Variants in KALRN observed in about 807,000 individuals in gnomAD.
KALRN encodes kalirin.
A neutral mutation model predicts 353.7 loss-of-function variants in KALRN; 70 were observed. The observed-to-expected ratio is 0.20, with a 90% CI of 0.16 to 0.24. The LOEUF is 0.24. KALRN is among the 10% of genes least tolerant of loss of function. KALRN has a pLI of 1.00. For synonymous variants in KALRN, 1,391 were observed against 1,434.8 expected (o/e 0.97, Z 0.69); for missense variants, 2,791 against 3,756.7 (o/e 0.74, Z 6.72).
chr3:124,184,388 T>A (rs2073965874), intron 1 of KALRN, among the ~76,000 whole-genome samples: 1 of 152,224 alleles, frequency 6.6e-6, no homozygotes, highest in Admixed American at 6.5e-5. Flanking sequence ...AATGCAAATC[T>A]TATGTCATTC....
intron 10 of KALRN, among the ~76,000 whole-genome samples, chr3:124,378,679 G>A (rs1324163702): frequency 1.9e-4 from 1 of 5,290 alleles, no homozygotes; most frequent in Non-Finnish European, 1.2e-3. Flanking sequence ...GAATTCCCAG[G>A]TTTTGTTTTT....
chr3:124,587,428 A>G (rs1340443621), intron 34 of KALRN, among the ~76,000 whole-genome samples: 1 of 152,192 alleles, frequency 6.6e-6, no homozygotes, highest in Non-Finnish European at 1.5e-5. Context: ...GAGGAAAAGG[A>G]CAAAAGTAAA....
intron 6 of KALRN, among the ~76,000 whole-genome samples, chr3:124,320,577 C>T (rs2079223879): frequency 6.6e-6 from 1 of 152,162 alleles, no homozygotes; most frequent in Non-Finnish European, 1.5e-5. Context: ...GATCTGTTTC[C>T]TTGTATGAGG....
chr3:124,594,445 C>G (rs544737529), intron 34 of KALRN, among the ~76,000 whole-genome samples: 1 of 152,126 alleles, frequency 6.6e-6, no homozygotes, highest in African/African-American at 2.4e-5. Flanking sequence ...AGGATGGTCT[C>G]GATCTCTTGA....
rs111543171 is a variant in KALRN at position 124,422,796 on chromosome 3, AT to A, written c.2543-9del. On this transcript the variant is annotated splice_polypyrimidine_tract_variant and intron_variant, in intron 14 of 59. Transcript: ENST00000682506. ...TACTAGCTGGTTTTTAATTGTTTCC[AT>A]TTTTTTAAAATCAGGAATTGAGTTG... 1.2e-6 allele frequency: 2 copies of A among 1,610,872 alleles called. No homozygotes were observed.
rs144693640 is a variant in KALRN at position 124,067,863 on chromosome 3, G to T, written c.73+34050G>T. Among the ~76,000 whole-genome samples the T allele has an allele frequency of 3.1e-3, 476 of 152,358 alleles. 1 individual carries two copies. The highest frequency in any genetic ancestry group is 0.011 in the African/African-American group (455 of 41,584). On this transcript the variant is annotated intron_variant, in intron 1 of 59. Transcript: ENST00000682506. ...GGTGCATGGCTTGGGCAGAGGACTG[G>T]TGAGGCCTGACTAGGATGTGAAGAC... is the stretch of plus-strand genomic sequence containing the variant.
Position 124,329,988 on chromosome 3 carries a change from C to G in KALRN, c.1412C>G (p.Thr471Arg), listed in dbSNP as rs1278212375. 4 of 1,613,624 alleles carry G rather than the reference C, an allele frequency of 2.5e-6. No homozygotes were observed. Among genetic ancestry groups the G allele is most frequent in the Non-Finnish European group, 3.4e-6 (4 of 1,179,748 alleles). The change falls in exon 8 of 60, where the codon ACA (threonine) becomes AGA (arginine). Residue 471 changes from threonine (T) to arginine (R), a missense_variant. This residue lies in a region of KALRN where 366 missense variants were observed against 489.2 expected (regional missense o/e 0.75). Transcript: ENST00000682506. ...TATGAGCAGGTGACCCAAGCCTACA[C>G]AGAGGTGAGAATGGAGCAGGGCAAC... Reference protein sequence around the residue: ...TLYEQVTQAYTEVSQDGKALL... With the variant: ...TLYEQVTQAYREVSQDGKALL...
chr3:124,558,384 TCTC>T (rs1228731717), intron 33 of KALRN, among the ~76,000 whole-genome samples: 2 of 152,084 alleles, frequency 1.3e-5, no homozygotes, highest in Non-Finnish European at 2.9e-5. Flanking sequence ...TTTGTGCAAT[TCTC>T]CTGCCTCAGC....
At chr3:124,159,969 C>T (rs78731951) in intron 1 of KALRN, among the ~76,000 whole-genome samples, 3,128 of 151,662 alleles carry the variant, frequency 0.021, 97 homozygotes, top group African/African-American at 0.072. Flanking sequence ...GATGAAAAAA[C>T]GAAAACGAAA....
intron 33 of KALRN, among the ~76,000 whole-genome samples, chr3:124,507,822 C>T (rs964245275): frequency 1.3e-5 from 2 of 152,156 alleles, no homozygotes; most frequent in African/African-American, 2.4e-5. Context: ...CATTTACCAC[C>T]CAATATGTTA....
At chr3:124,170,831 CTTTTTTTTTTTTTTTTTTTTTTT>C (rs752783614) in intron 1 of KALRN, among the ~76,000 whole-genome samples, 7 of 47,116 alleles carry the variant, frequency 1.5e-4, no homozygotes, top group Admixed American at 3.3e-4. Flanking sequence ...CTTCCACATT[CTTTTTTTTTTTTTTTTTTTTTTT>C]TTTTTTTTTT....
At chr3:124,294,637 G>T (rs2076706437) in intron 5 of KALRN, among the ~76,000 whole-genome samples, 1 of 143,776 alleles carries the variant, frequency 7.0e-6, no homozygotes, top group Non-Finnish European at 1.5e-5. Flanking sequence ...TGATTCTCCT[G>T]CCTCAGCCTC....
chr3:124,552,942 T>C (rs939124086), intron 33 of KALRN, among the ~76,000 whole-genome samples: 2 of 152,222 alleles, frequency 1.3e-5, no homozygotes, highest in African/African-American at 4.8e-5. Flanking sequence ...ATTTTTGTAT[T>C]TTTGGTAGAG....
At chr3:124,578,759 C>A (rs1340131039) in intron 34 of KALRN, among the ~76,000 whole-genome samples, 2 of 122,056 alleles carry the variant, frequency 1.6e-5, no homozygotes, top group Non-Finnish European at 3.3e-5. Flanking sequence ...CAGAGTGAAA[C>A]TCCATTTAAA....
At chr3:124,272,043 G>A (rs2074221568) in intron 5 of KALRN, among the ~76,000 whole-genome samples, 1 of 152,180 alleles carries the variant, frequency 6.6e-6, no homozygotes, top group African/African-American at 2.4e-5. Context: ...GCAGTAAAGA[G>A]AGAGGGGGCT....
intron 1 of KALRN, among the ~76,000 whole-genome samples, chr3:124,121,429 C>T (rs2064018182): frequency 6.6e-6 from 1 of 152,320 alleles, no homozygotes; most frequent in African/African-American, 2.4e-5. Flanking sequence ...ATATTTAAAA[C>T]ATGACAGAAA....
intron 1 of KALRN, among the ~76,000 whole-genome samples, chr3:124,106,582 C>G (rs999447184): frequency 2.6e-5 from 4 of 152,102 alleles, no homozygotes; most frequent in Admixed American, 6.5e-5. Flanking sequence ...AGTTCCTCCT[C>G]CCTTCTATAT....
chr3:124,237,513 C>A (rs78441600), intron 3 of KALRN, among the ~76,000 whole-genome samples: 14,025 of 152,024 alleles, frequency 0.092, 1,820 homozygotes, highest in East Asian at 0.64. Context: ...CAGGCACCTG[C>A]CACCACAACT....
chr3:124,615,309 C>A (rs1316147867), intron 34 of KALRN, among the ~76,000 whole-genome samples: 1 of 152,090 alleles, frequency 6.6e-6, no homozygotes, highest in Non-Finnish European at 1.5e-5. Context: ...CTACCCTGTA[C>A]TTATAAAAGA....
Sources: allele counts gnomAD v4.1 joint callset (sites outside exome capture counted in the v4.1 genomes callset), GRCh38; gene constraint gnomAD v4.1.1; regional missense constraint gnomAD v4.1.1; transcripts MANE v1.5; gene names NCBI Gene and HGNC (gene_info 2026-07-23, HGNC 2026-07-21).